The following RYR3 variants were observed in gnomAD, a reference collection of about 807,000 sequenced individuals.
RYR3 encodes ryanodine receptor 3.
A neutral mutation model predicts 584.3 loss-of-function variants in RYR3; 207 were observed. That is an observed-to-expected ratio of 0.35 (90% CI 0.32 to 0.40). The LOEUF (loss-of-function observed/expected upper bound fraction) is 0.40. RYR3 is among the 10% of genes least tolerant of loss of function. RYR3 has a pLI of 1.00. For synonymous variants in RYR3, 2,416 were observed against 2,248.5 expected (o/e 1.07, Z -2.11); for missense variants, 5,616 against 6,089.2 (o/e 0.92, Z 2.59).
At chr15:33,839,069 G>A (rs2078211309) in intron 89 of RYR3, 111 bp downstream of exon 89, 1 of 1,324,974 alleles carries the variant, frequency 7.5e-7, no homozygotes, top group African/African-American at 1.5e-5. Context: ...CTCTATGTTA[G>A]ACAGTGGCTG....
At chr15:33,763,964 C>CT (rs2072764464) in intron 60 of RYR3, among the ~76,000 whole-genome samples, 1 of 146,276 alleles carries the variant, frequency 6.8e-6, no homozygotes, top group Non-Finnish European at 1.5e-5. Context: ...AATAGGAATG[C>CT]TTTTACACTG....
At chr15:33,332,322 A>G (rs1263211111) in intron 1 of RYR3, among the ~76,000 whole-genome samples, 1 of 152,098 alleles carries the variant, frequency 6.6e-6, no homozygotes, top group Non-Finnish European at 1.5e-5. Context: ...ATGCGTCTGA[A>G]AATATAGAGC....
intron 62 of RYR3, among the ~76,000 whole-genome samples, chr15:33,770,860 A>C (rs1037059048): frequency 6.6e-6 from 1 of 152,240 alleles, no homozygotes; most frequent in Non-Finnish European, 1.5e-5. Flanking sequence ...GATGTAGATA[A>C]AAAGCATCTG....
intron 18 of RYR3, among the ~76,000 whole-genome samples, chr15:33,610,027 A>G (rs1486784075): frequency 6.6e-6 from 1 of 152,228 alleles, no homozygotes; most frequent in Non-Finnish European, 1.5e-5. Flanking sequence ...TATTAAAGTT[A>G]TAAAAACAGA....
intron 10 of RYR3, among the ~76,000 whole-genome samples, chr15:33,555,177 A>G (rs1323225978): frequency 6.6e-6 from 1 of 152,204 alleles, no homozygotes; most frequent in Non-Finnish European, 1.5e-5. Context: ...TTCCCTGCCT[A>G]CGTTTCACAT....
In RYR3 at chr15:33,738,581, C is replaced by G; in HGVS notation, c.7647C>G (p.Leu2549=). 1.2e-6 allele frequency: 2 copies of G among 1,613,960 alleles called. No homozygotes were observed. The highest frequency in any genetic ancestry group is 1.7e-6 in the Non-Finnish European group (2 of 1,179,866). The change falls in exon 50 of 104, where the codon CTC becomes CTG. Residue 2549 remains leucine, a synonymous_variant. Transcript: ENST00000634891. ...TTTTCTGGGGGATTTTTGACTCGCT[C>G]TCCCATAAGGTAATGACAGTACTTT... ...EKLFWGIFDS[L]SHKKYDPDLF...
intron 12 of RYR3, among the ~76,000 whole-genome samples, chr15:33,575,362 T>A (rs2058244579): frequency 6.6e-6 from 1 of 152,132 alleles, no homozygotes; most frequent in African/African-American, 2.4e-5. Flanking sequence ...CTAAAATCAG[T>A]CACATAATTG....
In RYR3 at chr15:33,548,100, G is replaced by A. The variant is rs775310785; in HGVS notation, c.741-30G>A. 15 of 1,551,290 alleles carry A rather than the reference G, an allele frequency of 9.7e-6. 1 individual carries two copies. The South Asian group carries it at 1.7e-4, about 18-fold the overall frequency. On this transcript the variant is annotated intron_variant, in intron 8 of 103. Transcript: ENST00000634891. Reference sequence around the variant, plus strand: ...CCGGGTGCTGATCAGTGTCATGCAAGTAGGAGCTGATCTCCAACTCTGCTC... The same window carrying A: ...CCGGGTGCTGATCAGTGTCATGCAAATAGGAGCTGATCTCCAACTCTGCTC...
intron 65 of RYR3, among the ~76,000 whole-genome samples, chr15:33,782,356 A>T (rs1270294099): frequency 6.6e-6 from 1 of 152,236 alleles, no homozygotes; most frequent in East Asian, 1.9e-4. Flanking sequence ...AGACATATTC[A>T]TAAATAAAAA....
At chr15:33,505,791 C>T (rs549318300) in intron 3 of RYR3, among the ~76,000 whole-genome samples, 7 of 152,136 alleles carry the variant, frequency 4.6e-5, no homozygotes, top group East Asian at 1.9e-4. Flanking sequence ...CACGCCTGGC[C>T]GGGAAACTTT....
intron 18 of RYR3, among the ~76,000 whole-genome samples, chr15:33,607,493 A>G (rs1341900364): frequency 6.6e-6 from 1 of 152,140 alleles, no homozygotes; most frequent in African/African-American, 2.4e-5. Context: ...CAGAGTTCCT[A>G]ATATCATAAA....
chr15:33,414,744 A>G (rs574370038), intron 1 of RYR3, among the ~76,000 whole-genome samples: 1 of 152,248 alleles, frequency 6.6e-6, no homozygotes, highest in South Asian at 2.1e-4. Context: ...AGCTGGGACT[A>G]TAGGCACCCG....
chr15:33,520,649 A>G (rs2053911949), intron 3 of RYR3, among the ~76,000 whole-genome samples: 1 of 152,234 alleles, frequency 6.6e-6, no homozygotes, highest in South Asian at 2.1e-4. Context: ...CTTGTCATCA[A>G]TCTAAATGTC....
chr15:33,488,778 G>A (rs961647735), intron 2 of RYR3, among the ~76,000 whole-genome samples: 2 of 152,102 alleles, frequency 1.3e-5, no homozygotes, highest in Non-Finnish European at 2.9e-5. Context: ...TTGAACCCAG[G>A]AGGCGGGGGT....
At chr15:33,763,097 C>T (rs960305732) in intron 60 of RYR3, among the ~76,000 whole-genome samples, 1 of 152,234 alleles carries the variant, frequency 6.6e-6, no homozygotes. Context: ...CCCTTCCTTA[C>T]ACCTTATACA....
intron 11 of RYR3, among the ~76,000 whole-genome samples, chr15:33,566,151 C>T (rs895668402): frequency 7.9e-5 from 12 of 152,222 alleles, no homozygotes; most frequent in African/African-American, 2.7e-4. Context: ...TCTCTAGCCT[C>T]CAAGAGAAGC....
rs374512321 is a variant in RYR3 at position 33,739,869 on chromosome 15, G to T, written c.7694G>T (p.Cys2565Phe). The change falls in exon 51 of 104, where the codon TGT becomes TTT. Residue 2565 changes from cysteine to phenylalanine, a missense_variant. Around this residue, in one of 9 missense-constraint regions of RYR3, gnomAD observed 1,280 missense variants for 1,426.2 expected, o/e 0.90. Transcript: ENST00000634891. ...GATCTTTTCCGAATGGCCCTGCCTT[G>T]TCTCAGTGCTATAGCTGGGGCCTTG... ...DPDLFRMALPCLSAIAGALPP... is the reference protein window; with the variant it reads ...DPDLFRMALPFLSAIAGALPP... 1 of 1,613,746 alleles carries T rather than the reference G, an allele frequency of 6.2e-7. No individual in the cohort carries two copies. The highest frequency in any genetic ancestry group is 8.5e-7 in the Non-Finnish European group (1 of 1,179,838).
At chr15:33,513,685 G>A (rs960144216) in intron 3 of RYR3, among the ~76,000 whole-genome samples, 11 of 152,150 alleles carry the variant, frequency 7.2e-5, no homozygotes, top group African/African-American at 1.9e-4. Flanking sequence ...TCTGAGTTCC[G>A]TGATGTTGCT....
chr15:33,643,472 A>G (rs2061941337), intron 27 of RYR3, among the ~76,000 whole-genome samples: 2 of 152,174 alleles, frequency 1.3e-5, no homozygotes, highest in African/African-American at 2.4e-5. Context: ...TACAGATGTG[A>G]GTTTGGAGAG....
Sources: gnomAD v4.1 joint callset for allele counts (sites outside exome capture counted in the v4.1 genomes callset) on GRCh38, gnomAD v4.1.1 for gene constraint, gnomAD v4.1.1 regional missense constraint, MANE v1.5 for transcripts, NCBI Gene and HGNC (gene_info 2026-07-23, HGNC 2026-07-21) for gene names.